The following MTSS1 variants were observed in gnomAD, a reference collection of about 807,000 sequenced individuals.
MTSS1 encodes the protein protein MTSS 1.
Under a neutral mutation model 79.0 loss-of-function variants are expected in MTSS1, and 18 were observed. The ratio of observed to expected loss-of-function variants is 0.23; its 90% CI spans 0.16 to 0.34. The LOEUF (loss-of-function observed/expected upper bound fraction) is 0.34. Among genes scored for constraint, MTSS1 ranks in the 10% least tolerant of loss-of-function variants. MTSS1 has a pLI of 1.00. For synonymous variants in MTSS1, 341 were observed against 368.6 expected, an observed-to-expected ratio of 0.93 and a Z score of 0.86; for missense variants, 815 against 986.2, an observed-to-expected ratio of 0.83 and a Z score of 2.33.
chr8:124,689,989 C>T (rs1827679167), intron 3 of MTSS1, among the ~76,000 whole-genome samples: 1 of 152,046 alleles, frequency 6.6e-6, no homozygotes, highest in African/African-American at 2.4e-5. Context: ...TGCTTGTATA[C>T]AAAATGCACG....
At chr8:124,631,273 C>A (rs992409079) in intron 3 of MTSS1, among the ~76,000 whole-genome samples, 2 of 152,220 alleles carry the variant, frequency 1.3e-5, no homozygotes, top group Admixed American at 6.5e-5. Flanking sequence ...AGACAAAGGT[C>A]ACTACCTTGA....
At chr8:124,699,760 T>C (rs1024600295) in intron 2 of MTSS1, among the ~76,000 whole-genome samples, 161 bp from the exon 3 acceptor site, 4 of 152,216 alleles carry the variant, frequency 2.6e-5, no homozygotes, top group Non-Finnish European at 5.9e-5. Context: ...CCCACTTTTT[T>C]CCAAGTACTC....
Position 124,683,205 on chromosome 8 carries a change from A to G in MTSS1, c.208+16321T>C, listed in dbSNP as rs1005793289. Among the ~76,000 whole-genome samples, 7 of 152,228 alleles carry G rather than the reference A, an allele frequency of 4.6e-5. No individual in the cohort carries two copies. Among genetic ancestry groups the G allele is most frequent in the African/African-American group, 1.7e-4 (7 of 41,460 alleles). On this transcript the variant is annotated intron_variant, in intron 3 of 13. Coordinates refer to ENST00000518547, the MANE Select transcript of MTSS1 (RefSeq NM_014751.6). The surrounding 1 kb of genome is among the most constrained non-coding windows in gnomAD (Gnocchi z 4.5). ...CTTATACACAAATGTTTTAACGTTT[A>G]ATGTGTAATGTTTAACATGTGGTTA... is the stretch of plus-strand genomic sequence containing the variant.
At chr8:124,615,526 CA>C (rs1399097689) in intron 3 of MTSS1, among the ~76,000 whole-genome samples, 2 of 152,038 alleles carry the variant, frequency 1.3e-5, no homozygotes, top group Non-Finnish European at 2.9e-5. Flanking sequence ...ATCACACTCA[CA>C]GAAACAGAAA....
chr8:124,689,746 CA>C (rs35782850), intron 3 of MTSS1, among the ~76,000 whole-genome samples: 53,552 of 94,320 alleles, frequency 0.57, 11,698 homozygotes, highest in East Asian at 0.69. Context: ...AACTCCATCT[CA>C]AAAAAAAAAA....
intron 6 of MTSS1, among the ~76,000 whole-genome samples, chr8:124,578,611 A>G (rs796845130): frequency 1.8e-4 from 27 of 151,990 alleles, no homozygotes; most frequent in African/African-American, 5.5e-4. Flanking sequence ...CCTGCCTAAC[A>G]TGGCAAAACC....
At chr8:124,593,660 A>G (rs752106367) in intron 3 of MTSS1, among the ~76,000 whole-genome samples, 3 of 152,216 alleles carry the variant, frequency 2.0e-5, no homozygotes, top group Non-Finnish European at 4.4e-5. Context: ...AGTACTCTGC[A>G]CACTTCAACT....
At chr8:124,588,473 C>T (rs868351584) in intron 5 of MTSS1, among the ~76,000 whole-genome samples, 3 of 152,162 alleles carry the variant, frequency 2.0e-5, no homozygotes, top group East Asian at 1.9e-4. Flanking sequence ...CACTCTCACT[C>T]GAAAGCATCA....
At chr8:124,715,609 C>T (rs541685780) in intron 1 of MTSS1, among the ~76,000 whole-genome samples, 44 of 152,288 alleles carry the variant, frequency 2.9e-4, no homozygotes, top group South Asian at 1.2e-3. Context: ...CTGCTAGGAA[C>T]GATGCCCTGG....
chr8:124,647,661 C>T (rs1288769837), intron 3 of MTSS1, among the ~76,000 whole-genome samples: 1 of 152,146 alleles, frequency 6.6e-6, no homozygotes, highest in East Asian at 1.9e-4. Context: ...CATGTTTTAG[C>T]TCATTTCAAA....
intron 3 of MTSS1, among the ~76,000 whole-genome samples, chr8:124,623,326 G>T (rs997025144): frequency 1.3e-5 from 2 of 152,196 alleles, no homozygotes; most frequent in Non-Finnish European, 1.5e-5. Context: ...ATTTTTTCCA[G>T]TAAGGTATTG....
At chr8:124,705,684 G>A (rs1830287639) in intron 1 of MTSS1, among the ~76,000 whole-genome samples, 2 of 152,240 alleles carry the variant, frequency 1.3e-5, no homozygotes, top group South Asian at 4.2e-4. Context: ...AATTAAAACT[G>A]TCTAAAACTG....
chr8:124,717,435 G>T (rs1281061919), intron 1 of MTSS1, among the ~76,000 whole-genome samples: 1 of 151,432 alleles, frequency 6.6e-6, no homozygotes, highest in African/African-American at 2.5e-5. Context: ...GGCAGAGGTG[G>T]CAGCGAGCCA....
chr8:124,558,851 C>G, intron 10 of MTSS1: 1 of 1,540,820 alleles, frequency 6.5e-7, no homozygotes, highest in South Asian at 1.2e-5. Context: ...GGGGAGGGGC[C>G]ACACGAGGGG....
At chr8:124,716,851 G>GT (rs926597383) in intron 1 of MTSS1, among the ~76,000 whole-genome samples, 1 of 152,016 alleles carries the variant, frequency 6.6e-6, no homozygotes, top group Non-Finnish European at 1.5e-5. Context: ...ACTGAGACAT[G>GT]TTTTTTGGTA....
At chr8:124,703,362 G>A (rs1439099277) in intron 2 of MTSS1, among the ~76,000 whole-genome samples, 9 of 152,044 alleles carry the variant, frequency 5.9e-5, no homozygotes, top group Admixed American at 2.0e-4. Context: ...GCACAATCTC[G>A]GCTCACTGCA....
At chr8:124,697,240 C>G (rs553382363) in intron 3 of MTSS1, among the ~76,000 whole-genome samples, 41 of 145,020 alleles carry the variant, frequency 2.8e-4, no homozygotes, top group Non-Finnish European at 3.0e-4. Flanking sequence ...TTCCTTAAAA[C>G]AGTAGAGCAG....
At chr8:124,580,291 A>G in intron 6 of MTSS1, 1 of 453,250 alleles carries the variant, frequency 2.2e-6, no homozygotes, top group South Asian at 2.9e-5. Context: ...CCATGAGTCT[A>G]ATATTGAATT....
chr8:124,659,547 G>T (rs1821616387), intron 3 of MTSS1, among the ~76,000 whole-genome samples: 1 of 152,158 alleles, frequency 6.6e-6, no homozygotes, highest in South Asian at 2.1e-4. Flanking sequence ...TTTCTCAGGA[G>T]ATTAAAGGCT....
Sources: allele counts gnomAD v4.1 joint callset (sites outside exome capture counted in the v4.1 genomes callset), GRCh38; gene constraint gnomAD v4.1.1; non-coding constraint Gnocchi (gnomAD v3.1); transcripts MANE v1.5; gene names NCBI Gene and HGNC (gene_info 2026-07-23, HGNC 2026-07-21).